The following PANK4 variants were observed in gnomAD, a reference collection of about 807,000 sequenced individuals.
PANK4 encodes the protein pantothenate kinase 4 (inactive).
PANK4 carries 40 observed loss-of-function variants against 87.9 expected under a neutral mutation model. The observed-to-expected ratio is 0.46, with a 90% CI of 0.35 to 0.59. PANK4 has a LOEUF of 0.59. Among genes scored for constraint, PANK4 ranks in the 20% least tolerant of loss-of-function variants. PANK4 has a pLI of 0.00. For missense variants in PANK4, 926 were observed against 1,072.3 expected (o/e 0.86, Z 1.90); for synonymous variants, 524 against 467.4 (o/e 1.12, Z -1.56).
rs1643825969 is a variant in PANK4 at position 2,518,509 on chromosome 1, G to A, written c.1117+7C>T. The A allele has an allele frequency of 1.9e-6, 3 of 1,558,006 alleles. No individual in the cohort carries two copies. Among genetic ancestry groups the A allele is most frequent in the African/African-American group, 1.4e-5 (1 of 73,586 alleles). On this transcript the variant is annotated splice_region_variant and intron_variant, in intron 8 of 18. Coordinates refer to ENST00000378466, the MANE Select transcript of PANK4 (RefSeq NM_018216.4). ...CGCTGCTCAGGGGCGCCAGCACCGC[G>A]ACTCACTGTCCTGCTCAGCTCCTTT...
chr1:2,511,991 G>C (rs542545189), intron 13 of PANK4, among the ~76,000 whole-genome samples: 1 of 152,348 alleles, frequency 6.6e-6, no homozygotes, highest in African/African-American at 2.4e-5. Flanking sequence ...AACATGCTGC[G>C]ATCCGCAGAA....
In PANK4 at chr1:2,520,881, A is replaced by G. The variant is rs1346782153; in HGVS notation, c.448T>C (p.Cys150Arg). Reference sequence around the variant, plus strand: ...ACGAAGTTGCACCCCTTAATCAGGCACGTCATCACGTCCTCCTTGTCGACT... The same window carrying G: ...ACGAAGTTGCACCCCTTAATCAGGCGCGTCATCACGTCCTCCTTGTCGACT... ...LKVDKEDVMT[C>R]LIKGCNFVLK... The change falls in exon 4 of 19, where the codon TGC (cysteine) becomes CGC (arginine). Residue 150 changes from cysteine (C) to arginine (R), a missense_variant. Transcript: ENST00000378466. The surrounding 1 kb of genome is among the most constrained non-coding windows in gnomAD (Gnocchi z 6.2). The G allele has an allele frequency of 6.4e-7, 1 of 1,558,950 alleles. No homozygotes were observed. The highest frequency in any genetic ancestry group is 1.2e-5 in the South Asian group (1 of 81,524).
Position 2,520,597 on chromosome 1 carries a change from C to A in PANK4, c.606+126G>T. 9.1e-7 allele frequency: 1 copy of A among 1,096,550 alleles called. No individual in the cohort carries two copies. Among genetic ancestry groups the A allele is most frequent in the Non-Finnish European group, 1.3e-6 (1 of 741,678 alleles). The allele number at this position is 1,096,550 out of a possible 1,614,324, so 67.9% of individuals were successfully genotyped here. ...TCCCACAGAGGCTCTGAGCTCACAG[C>A]CTCGCCACCCCCCTCCCGCCCACTG... On this transcript the variant is annotated intron_variant, in intron 4 of 18. Transcript: ENST00000378466. This position sits in a 1 kb window ranked among gnomAD's most constrained non-coding sequence, Gnocchi z 6.2.
intron 9 of PANK4, among the ~76,000 whole-genome samples, chr1:2,517,876 T>C (rs888624693): frequency 9.9e-5 from 15 of 152,200 alleles, no homozygotes; most frequent in African/African-American, 3.1e-4. Context: ...CCGTCACCCC[T>C]GAACTTTAGC....
At position 2,508,782 on chromosome 1, in the gene PANK4, C is replaced by A; in HGVS notation, c.*65G>T. ...AAATACGTTGATTTGAACGCAGTTT[C>A]CCTGTGGTGGTAAAAACACATTCCT... On this transcript the variant is annotated 3_prime_UTR_variant, in exon 19 of 19. Coordinates refer to ENST00000378466, the MANE Select transcript of PANK4 (RefSeq NM_018216.4). The surrounding 1 kb of genome is among the most constrained non-coding windows in gnomAD (Gnocchi z 5.1). The A allele has an allele frequency of 1.0e-6, 1 of 973,844 alleles. No individual in the cohort carries two copies. The highest frequency in any genetic ancestry group is 2.0e-5 in the Admixed American group (1 of 49,476). 60.3% of individuals were successfully genotyped at this position (973,844 alleles called of 1,614,324 possible). A position where few individuals can be genotyped will look rare whatever the true frequency, so the allele number is the denominator to read the frequency against.
At chr1:2,511,168 G>C (rs1334315700) in intron 15 of PANK4, among the ~76,000 whole-genome samples, 170 bp downstream of exon 15, 1 of 152,216 alleles carries the variant, frequency 6.6e-6, no homozygotes, top group African/African-American at 2.4e-5. Flanking sequence ...GTCACGACAG[G>C]AGGGCAAGTG....
chr1:2,514,024 T>G lies in PANK4; in HGVS notation c.1553A>C (p.Asn518Thr), dbSNP rs777662814. 1.9e-6 allele frequency: 3 copies of G among 1,612,636 alleles called. No individual in the cohort carries two copies. Among genetic ancestry groups the G allele is most frequent in the Admixed American group, 3.3e-5 (2 of 60,028 alleles). ...TACTTTGGAGTAGGGATCCGGGAAG[T>G]TGAACTCGTTCAGACAGTGCTCCCT... ...DTREHCLNEF[N>T]FPDPYSKVKQ... Residue 518 changes from asparagine to threonine, a missense_variant, in exon 12 of 19, where the codon AAC becomes ACC. Transcript: ENST00000378466.
chr1:2,514,469 G>A lies in PANK4; in HGVS notation c.1375-3C>T. On this transcript the variant is annotated splice_region_variant and splice_polypyrimidine_tract_variant and intron_variant, in intron 10 of 18. Transcript: ENST00000378466. ...CTCGCCACTGCGCGCTTCACTACCT[G>A]CCAGCGACAGAAGGAGGGGGTTAGT... is the stretch of plus-strand genomic sequence containing the variant. 6.2e-7 allele frequency: 1 copy of A among 1,603,848 alleles called. No homozygotes were observed. The highest frequency in any genetic ancestry group is 8.5e-7 in the Non-Finnish European group (1 of 1,175,924).
At position 2,520,540 on chromosome 1, in the gene PANK4, C is replaced by T; in HGVS notation, c.607-126G>A. The T allele has an allele frequency of 1.2e-6, 1 of 854,460 alleles. No homozygotes were observed. Among genetic ancestry groups the T allele is most frequent in the Non-Finnish European group, 1.7e-6 (1 of 581,914 alleles). 52.9% of individuals were successfully genotyped at this position (854,460 alleles called of 1,614,324 possible). ...CACCCCAACCGCCAGTGGGAGGACT[C>T]TCATGGCCAAGCCTGGGGGCGCTGA... On this transcript the variant is annotated intron_variant, in intron 4 of 18. Coordinates refer to ENST00000378466, the MANE Select transcript of PANK4 (RefSeq NM_018216.4). This position sits in a 1 kb window ranked among gnomAD's most constrained non-coding sequence, Gnocchi z 6.2.
chr1:2,518,766 C>T (rs1038863538), intron 7 of PANK4, among the ~76,000 whole-genome samples, 169 bp from the exon 8 acceptor site: 6 of 152,254 alleles, frequency 3.9e-5, no homozygotes, highest in Non-Finnish European at 8.8e-5. Flanking sequence ...CACCAGAGGG[C>T]GGGCTGCTGT....
At position 2,510,232 on chromosome 1, in the gene PANK4, G is replaced by A. The variant is rs1570530608; in HGVS notation, c.1939-75C>T. 7 of 970,690 alleles carry A rather than the reference G, an allele frequency of 7.2e-6. No homozygotes were observed. The Admixed American group carries it at 8.0e-5, about 11-fold the overall frequency. 60.1% of individuals were successfully genotyped at this position (970,690 alleles called of 1,614,324 possible). A position where few individuals can be genotyped will look rare whatever the true frequency, so the allele number is the denominator to read the frequency against. ...GGAGCCTGCGTGCACCCCGGCCTTCGAGTGGCTGGGCTGGGTGAGGGTGCT... is the reference window on the plus strand; with the variant it reads ...GGAGCCTGCGTGCACCCCGGCCTTCAAGTGGCTGGGCTGGGTGAGGGTGCT... On this transcript the variant is annotated intron_variant, in intron 16 of 18. Coordinates refer to ENST00000378466, the MANE Select transcript of PANK4 (RefSeq NM_018216.4). This position sits in a 1 kb window ranked among gnomAD's most constrained non-coding sequence, Gnocchi z 4.9.
At chr1:2,525,337 T>C (rs1435246331) in intron 1 of PANK4, among the ~76,000 whole-genome samples, 2 of 152,048 alleles carry the variant, frequency 1.3e-5, no homozygotes, top group African/African-American at 2.4e-5. Context: ...TTGGGCATCC[T>C]TTTCGGGGGC....
At position 2,510,289 on chromosome 1, in the gene PANK4, C is replaced by A. The variant is rs1316353593; in HGVS notation, c.1939-132G>T. ...AGCGGGCCTGGCCAGCCACCTGCTGCTGAGGAGCAGGGACCTCGCCTGACC... is the reference window on the plus strand; with the variant it reads ...AGCGGGCCTGGCCAGCCACCTGCTGATGAGGAGCAGGGACCTCGCCTGACC... On this transcript the variant is annotated intron_variant, in intron 16 of 18. Transcript: ENST00000378466. This position sits in a 1 kb window ranked among gnomAD's most constrained non-coding sequence, Gnocchi z 4.9. 29 of 683,434 alleles carry A rather than the reference C, an allele frequency of 4.2e-5. No individual in the cohort carries two copies. Among genetic ancestry groups the A allele is most frequent in the Non-Finnish European group, 6.7e-5 (25 of 374,432 alleles). 42.3% of individuals were successfully genotyped at this position (683,434 alleles called of 1,614,324 possible).
At chr1:2,524,266 G>A (rs1643901518) in intron 1 of PANK4, among the ~76,000 whole-genome samples, 1 of 152,070 alleles carries the variant, frequency 6.6e-6, no homozygotes, top group Non-Finnish European at 1.5e-5. Context: ...ACACAGGGCA[G>A]GTGAGCTTTC....
chr1:2,510,128 G>A lies in PANK4; in HGVS notation c.1968C>T (p.Ala656=), dbSNP rs1429097826. 1 of 1,609,076 alleles carries A rather than the reference G, an allele frequency of 6.2e-7. No individual in the cohort carries two copies. The highest frequency in any genetic ancestry group is 1.1e-5 in the South Asian group (1 of 90,128). Residue 656 remains alanine (A), a synonymous_variant, in exon 17 of 19, where the codon GCC becomes GCT. Coordinates refer to ENST00000378466, the MANE Select transcript of PANK4 (RefSeq NM_018216.4). This position sits in a 1 kb window ranked among gnomAD's most constrained non-coding sequence, Gnocchi z 4.9. The part of the protein sequence containing the change: ...EVILACNSGP[A]LNDVTHSESL... ...ACTCGCTGTGGGTCACGTCGTTCAG[G>A]GCGGGGCCTGAGTTGCACGCCAGGA... is the stretch of plus-strand genomic sequence containing the variant.
Position 2,519,955 on chromosome 1 carries a change from C to A in PANK4, c.700-1G>T. ...CCAGGTGCAGGAGCTCGTCAAACTTCTGCAGGACACGGCGAGGGGGCGGGT... is the reference window on the plus strand; with the variant it reads ...CCAGGTGCAGGAGCTCGTCAAACTTATGCAGGACACGGCGAGGGGGCGGGT... On this transcript the variant is annotated splice_acceptor_variant, in intron 5 of 18. Coordinates refer to ENST00000378466, the MANE Select transcript of PANK4 (RefSeq NM_018216.4). LOFTEE classifies it high-confidence loss of function. This position sits in a 1 kb window ranked among gnomAD's most constrained non-coding sequence, Gnocchi z 8.3. The A allele has an allele frequency of 6.4e-7, 1 of 1,551,886 alleles. No individual in the cohort carries two copies. Among genetic ancestry groups the A allele is most frequent in the Non-Finnish European group, 8.7e-7 (1 of 1,145,150 alleles).
rs1643617315 is a variant in PANK4, at chr1:2,509,112, C to A, written c.2109-52G>T. The A allele has an allele frequency of 7.0e-7, 1 of 1,425,420 alleles. No individual in the cohort carries two copies. The highest frequency in any genetic ancestry group is 9.6e-7 in the Non-Finnish European group (1 of 1,041,244). The allele number at this position is 1,425,420 out of a possible 1,614,324, so 88.3% of individuals were successfully genotyped here. On this transcript the variant is annotated intron_variant, in intron 18 of 18. Coordinates refer to ENST00000378466, the MANE Select transcript of PANK4 (RefSeq NM_018216.4). The surrounding 1 kb of genome is among the most constrained non-coding windows in gnomAD (Gnocchi z 4.9). ...CTGGGCAAGCAGACCCCAGACCCCACTTCCCATACAGTGCGGCGACCAACG... is the reference window on the plus strand; with the variant it reads ...CTGGGCAAGCAGACCCCAGACCCCAATTCCCATACAGTGCGGCGACCAACG...
In PANK4 at chr1:2,510,916, G is replaced by A. The variant is rs1643649277; in HGVS notation, c.1834-134C>T. ...TCAGGGCCCCAGAGATGCCAGGGAT[G>A]GGCTGTCCTGCAGGGGCCGAGACCA... On this transcript the variant is annotated intron_variant, in intron 15 of 18. Transcript: ENST00000378466. This position sits in a 1 kb window ranked among gnomAD's most constrained non-coding sequence, Gnocchi z 4.9. 1 of 641,146 alleles carries A rather than the reference G, an allele frequency of 1.6e-6. No individual in the cohort carries two copies. Among genetic ancestry groups the A allele is most frequent in the South Asian group, 1.8e-5 (1 of 56,204 alleles). 39.7% of individuals were successfully genotyped at this position (641,146 alleles called of 1,614,324 possible). A position where few individuals can be genotyped will look rare whatever the true frequency, so the allele number is the denominator to read the frequency against.
intron 9 of PANK4, 94 bp downstream of exon 9, chr1:2,518,070 G>A: frequency 1.4e-6 from 1 of 701,780 alleles, no homozygotes; most frequent in South Asian, 2.0e-5. Flanking sequence ...TTTCAGCCGG[G>A]ACAGCCACAA....
Sources: allele counts gnomAD v4.1 joint callset (sites outside exome capture counted in the v4.1 genomes callset), GRCh38; gene constraint gnomAD v4.1.1; non-coding constraint Gnocchi (gnomAD v3.1); transcripts MANE v1.5; gene names NCBI Gene and HGNC (gene_info 2026-07-23, HGNC 2026-07-21).